The following KHNYN variants were observed in gnomAD, a reference collection of about 807,000 sequenced individuals.
KHNYN encodes the protein protein KHNYN.
KHNYN carries 42 observed loss-of-function variants against 62.7 expected under a neutral mutation model. The observed-to-expected ratio is 0.67, with a 90% CI of 0.52 to 0.87. The LOEUF (loss-of-function observed/expected upper bound fraction) is 0.87. KHNYN is among the 40% of genes least tolerant of loss of function. The probability of loss-of-function intolerance (pLI) is 0.00; values close to 1 mark genes in which losing one functional copy is unlikely to be tolerated. For synonymous variants in KHNYN, 347 were observed against 345.6 expected (o/e 1.00, Z -0.04); for missense variants, 829 against 874.1 (o/e 0.95, Z 0.65).
chr14:24,435,832 A>G lies in KHNYN; in HGVS notation c.1578-240A>G, dbSNP rs185379567. 12 of 534,700 alleles carry G rather than the reference A, an allele frequency of 2.2e-5. No individual in the cohort carries two copies. The East Asian group carries it at 3.8e-4, about 17-fold the overall frequency. The allele number at this position is 534,700 out of a possible 1,614,324, so 33.1% of individuals were successfully genotyped here. A position where few individuals can be genotyped will look rare whatever the true frequency, so the allele number is the denominator to read the frequency against. ...AGGGGGCCAGATCTCCATCACCAGA[A>G]GTGGCCTATGGGAGACAGTAAAACT... On this transcript the variant is annotated intron_variant, in intron 5 of 7. Transcript: ENST00000553935.
At chr14:24,427,687 A>G (rs1442223477), upstream of KHNYN, 2 of 1,051,940 alleles carry the variant, frequency 1.9e-6, no homozygotes, top group Non-Finnish European at 2.9e-6. This position sits in a 1 kb window ranked among gnomAD's most constrained non-coding sequence, Gnocchi z 4.4. Flanking sequence ...GTGGGATAGG[A>G]GCCAGAGGGA....
At chr14:24,429,098 C>A (rs1306041542), upstream of KHNYN, 3 of 1,459,472 alleles carry the variant, frequency 2.1e-6, no homozygotes, top group East Asian at 7.5e-5. Context: ...GTCTTCTGCC[C>A]CTCTTCTGTT....
Position 24,441,367 on chromosome 14 carries a change from T to G in KHNYN, c.*4082T>G. ...ATAGTGGCTGGTGTGTATAATTGTT[T>G]GCAATTACTTGGTCCCAAAGGTGAC... On this transcript the variant is annotated 3_prime_UTR_variant, in exon 8 of 8. Transcript: ENST00000553935. 2.2e-6 allele frequency: 1 copy of G among 458,558 alleles called. No individual in the cohort carries two copies. Among genetic ancestry groups the G allele is most frequent in the Non-Finnish European group, 3.9e-6 (1 of 259,228 alleles). The allele number at this position is 458,558 out of a possible 1,614,324, so 28.4% of individuals were successfully genotyped here.
chr14:24,436,447 G>A lies in KHNYN; in HGVS notation c.1745G>A (p.Arg582Gln), dbSNP rs776675791. ...ATGGTACCTGATGACCCACTGGGGC[G>A]AAACGGCCCCACCCTGGATGAATTT... ...LFMVPDDPLG[R>Q]NGPTLDEFLK... is the part of the protein sequence containing the mutation. Residue 582 changes from arginine to glutamine, a missense_variant, in exon 7 of 8, where the codon CGA becomes CAA. Transcript: ENST00000553935. 1.7e-5 allele frequency: 28 copies of A among 1,613,624 alleles called. No individual in the cohort carries two copies. Among genetic ancestry groups the A allele is most frequent in the Admixed American group, 8.4e-5 (5 of 59,838 alleles).
intron 5 of KHNYN, among the ~76,000 whole-genome samples, chr14:24,435,098 T>A (rs889506155): frequency 1.3e-5 from 2 of 150,832 alleles, no homozygotes; most frequent in Non-Finnish European, 2.9e-5. Context: ...TCTTGTGGAA[T>A]CAGAATTACT....
chr14:24,431,465 G>C lies in KHNYN; in HGVS notation c.204G>C (p.Glu68Asp), dbSNP rs2043110782. ...GACCTTCCCTTCCTCCCAACCAGGA[G>C]TACCTGAAGGGCCTCTGCAGCCCAG... ...GPKENASRAK[E>D]YLKGLCSPEL... The change falls in exon 3 of 8, where the codon GAG becomes GAC. Residue 68 changes from glutamate to aspartate, a missense_variant and splice_region_variant. Glu to Asp is a conservative substitution (Grantham distance 45). Around this residue, in one of 2 missense-constraint regions of KHNYN, gnomAD observed 559 missense variants for 527.0 expected, o/e 1.06. Coordinates refer to ENST00000553935, the MANE Select transcript of KHNYN (RefSeq NM_015299.3). 1.9e-6 allele frequency: 3 copies of C among 1,560,152 alleles called. No homozygotes were observed. Among genetic ancestry groups the C allele is most frequent in the African/African-American group, 1.4e-5 (1 of 73,486 alleles).
chr14:24,429,074 CCA>C, upstream of KHNYN: 2 of 1,470,808 alleles, frequency 1.4e-6, no homozygotes, highest in Non-Finnish European at 9.0e-7. Flanking sequence ...GCTCTGCAAC[CCA>C]CAAGTGCCCC....
chr14:24,423,471 A>T, the KHNYN span, among the ~76,000 whole-genome samples: 1 of 149,308 alleles, frequency 6.7e-6, no homozygotes, highest in Non-Finnish European at 1.5e-5. Context: ...AGAGATGGGG[A>T]GGAAGGTGAG....
rs764608272 is a variant in KHNYN, at chr14:24,440,105, G to A, written c.*2820G>A. The A allele has an allele frequency of 6.2e-7, 1 of 1,604,934 alleles. No individual in the cohort carries two copies. Among genetic ancestry groups the A allele is most frequent in the Non-Finnish European group, 8.5e-7 (1 of 1,173,224 alleles). On this transcript the variant is annotated 3_prime_UTR_variant, in exon 8 of 8. Coordinates refer to ENST00000553935, the MANE Select transcript of KHNYN (RefSeq NM_015299.3). ...TACTTAGGCTACAATTTCCTTTAAGGCAGCCCCTAGCTCTGGGAAGGAATA... is the reference window on the plus strand; with the variant it reads ...TACTTAGGCTACAATTTCCTTTAAGACAGCCCCTAGCTCTGGGAAGGAATA...
upstream of KHNYN, chr14:24,427,469 G>C (rs936535944): frequency 4.4e-5 from 14 of 317,724 alleles, no homozygotes; most frequent in African/African-American, 2.8e-4. The surrounding 1 kb of genome is among the most constrained non-coding windows in gnomAD (Gnocchi z 4.4). Context: ...TGGGGTGGGG[G>C]AACCGGAGGA....
upstream of KHNYN, chr14:24,427,755 G>T (rs1434672690): frequency 1.9e-6 from 3 of 1,604,982 alleles, no homozygotes; most frequent in Non-Finnish European, 2.6e-6. The surrounding 1 kb of genome is among the most constrained non-coding windows in gnomAD (Gnocchi z 4.4). Context: ...AAGTTGTCAG[G>T]GGCTGGATTC....
rs1480325385 is a variant in KHNYN, at chr14:24,437,977, G to C, written c.*692G>C. On this transcript the variant is annotated 3_prime_UTR_variant, in exon 8 of 8. Coordinates refer to ENST00000553935, the MANE Select transcript of KHNYN (RefSeq NM_015299.3). The surrounding 1 kb of genome is among the most constrained non-coding windows in gnomAD (Gnocchi z 5.5). ...GACCAAGTCTCAGGTGTGTCTGCCTGTGGCTGCACAGGCTCTCTAACCGAA... is the reference window on the plus strand; with the variant it reads ...GACCAAGTCTCAGGTGTGTCTGCCTCTGGCTGCACAGGCTCTCTAACCGAA... 1 of 152,620 alleles carries C rather than the reference G, an allele frequency of 6.6e-6. No homozygotes were observed. Among genetic ancestry groups the C allele is most frequent in the Non-Finnish European group, 1.5e-5 (1 of 68,044 alleles). 9.5% of individuals were successfully genotyped at this position (152,620 alleles called of 1,614,324 possible).
At chr14:24,427,473 C>T (rs140597570), upstream of KHNYN, 331 of 322,910 alleles carry the variant, frequency 1.0e-3, 2 homozygotes, top group African/African-American at 6.4e-3. This position sits in a 1 kb window ranked among gnomAD's most constrained non-coding sequence, Gnocchi z 4.4. Context: ...GTGGGGGAAC[C>T]GGAGGAGCAG....
upstream of KHNYN, chr14:24,427,752 C>A (rs750014293): frequency 1.9e-6 from 3 of 1,603,302 alleles, no homozygotes; most frequent in Non-Finnish European, 2.6e-6. This position sits in a 1 kb window ranked among gnomAD's most constrained non-coding sequence, Gnocchi z 4.4. Flanking sequence ...AGAAAGTTGT[C>A]AGGGGCTGGA....
In KHNYN at chr14:24,434,002, T is replaced by A. The variant is rs78839033; in HGVS notation, c.1577+970T>A. ...TCCAAACCATAGTGATTATATACTTTGTCTTTTCAAACACTTACCTTCTAT... is the reference window on the plus strand; with the variant it reads ...TCCAAACCATAGTGATTATATACTTAGTCTTTTCAAACACTTACCTTCTAT... On this transcript the variant is annotated intron_variant, in intron 5 of 7. Coordinates refer to ENST00000553935, the MANE Select transcript of KHNYN (RefSeq NM_015299.3). 9.0e-3 allele frequency: 2,564 copies of A among 285,084 alleles called. 63 individuals are homozygous for A. Among genetic ancestry groups the A allele is most frequent in the African/African-American group, 0.053 (2,350 of 44,274 alleles). The allele number at this position is 285,084 out of a possible 1,614,324, so 17.7% of individuals were successfully genotyped here. A position where few individuals can be genotyped will look rare whatever the true frequency, so the allele number is the denominator to read the frequency against.
Position 24,439,562 on chromosome 14 carries a change from C to T in KHNYN, c.*2277C>T, listed in dbSNP as rs2043261663. ...CATTGGAAATGGATCATCATTCTCT[C>T]TTCTAGTGTCTATCTTTATCATAAC... is the stretch of plus-strand genomic sequence containing the variant. On this transcript the variant is annotated 3_prime_UTR_variant, in exon 8 of 8. Coordinates refer to ENST00000553935, the MANE Select transcript of KHNYN (RefSeq NM_015299.3). 6.5e-6 allele frequency: 1 copy of T among 152,820 alleles called. No homozygotes were observed. Among genetic ancestry groups the T allele is most frequent in the South Asian group, 2.1e-4 (1 of 4,858 alleles). The allele number at this position is 152,820 out of a possible 1,614,324, so 9.5% of individuals were successfully genotyped here.
upstream of KHNYN, chr14:24,428,314 A>G: frequency 6.2e-7 from 1 of 1,613,748 alleles, no homozygotes. Flanking sequence ...GTACACCTTC[A>G]CCACATGGAA....
upstream of KHNYN, chr14:24,429,128 T>A: frequency 7.0e-7 from 1 of 1,428,000 alleles, no homozygotes; most frequent in Non-Finnish European, 9.3e-7. Context: ...CTCCCTGGAT[T>A]CTCACCGCCG....
At chr14:24,423,698 G>A in the KHNYN span, among the ~76,000 whole-genome samples, 4 of 152,220 alleles carry the variant, frequency 2.6e-5, no homozygotes, top group African/African-American at 9.6e-5. Context: ...GAGGATTATA[G>A]GATTGAGGAC....
Sources: allele counts gnomAD v4.1 joint callset (sites outside exome capture counted in the v4.1 genomes callset), GRCh38; gene constraint gnomAD v4.1.1; regional missense constraint gnomAD v4.1.1; non-coding constraint Gnocchi (gnomAD v3.1); transcripts MANE v1.5; gene names NCBI Gene and HGNC (gene_info 2026-07-23, HGNC 2026-07-21).